PRDM12: variants seen among roughly 807,000 people sequenced by gnomAD.
PRDM12 encodes PR domain zinc finger protein 12.
A neutral mutation model predicts 29.6 loss-of-function variants in PRDM12; 17 were observed. The observed-to-expected ratio is 0.57, with a 90% CI of 0.39 to 0.86. The LOEUF is 0.86. Ranked by LOEUF, PRDM12 falls within the 40% of genes least tolerant of loss-of-function variation. The pLI, the probability that PRDM12 is intolerant of heterozygous loss-of-function variation, is 0.00. For synonymous variants in PRDM12, 231 were observed against 225.8 expected, an observed-to-expected ratio of 1.02 and a Z score of -0.21; for missense variants, 422 against 510.8, an observed-to-expected ratio of 0.83 and a Z score of 1.68.
At chr9:130,666,499 G>T (rs1830734070) in intron 1 of PRDM12, 109 bp from the exon 2 acceptor site, 8 of 1,395,554 alleles carry the variant, frequency 5.7e-6, no homozygotes, top group Non-Finnish European at 7.6e-6. Flanking sequence ...GGGCCGACTT[G>T]GGTTTGGCTG....
At chr9:130,672,080 G>T (rs920297811) in intron 3 of PRDM12, among the ~76,000 whole-genome samples, 2 of 152,296 alleles carry the variant, frequency 1.3e-5, no homozygotes, top group Middle Eastern at 3.4e-3. Context: ...GAACCTCCTG[G>T]CTTACTCCAG....
rs773260931 is a variant in PRDM12 at position 130,669,252 on chromosome 9, G to A, written c.570+939G>A. On this transcript the variant is annotated intron_variant, in intron 3 of 4. Transcript: ENST00000253008. ...TGAGGCAGGAGAATGGCGTGAACCC[G>A]GAAGGCGGAGCTTGCAGTGAGCCGA... is the stretch of plus-strand genomic sequence containing the variant. 4.9e-4 allele frequency among the ~76,000 whole-genome samples: 75 copies of A among 152,160 alleles called. 1 individual carries two copies. The highest frequency in any genetic ancestry group is 3.8e-3 in the Admixed American group (58 of 15,272).
chr9:130,669,522 CAA>C (rs1414521679), intron 3 of PRDM12, among the ~76,000 whole-genome samples: 2 of 133,112 alleles, frequency 1.5e-5, no homozygotes. Flanking sequence ...GACTCCATCT[CAA>C]AAAAAAAAAG....
At position 130,681,201 on chromosome 9, in the gene PRDM12, C is replaced by T. The variant is rs1830896797; in HGVS notation, c.683-47C>T. The T allele has an allele frequency of 7.1e-7, 1 of 1,399,176 alleles. No individual in the cohort carries two copies. The highest frequency in any genetic ancestry group is 2.8e-5 in the East Asian group (1 of 36,112). 86.7% of individuals were successfully genotyped at this position (1,399,176 alleles called of 1,614,324 possible). On this transcript the variant is annotated intron_variant, in intron 4 of 4. Transcript: ENST00000253008. The surrounding 1 kb of genome is among the most constrained non-coding windows in gnomAD (Gnocchi z 8.1). ...GCCGGTTCTAACGGGGCTGCTCTCT[C>T]CCCTTCTCCGTCTCCCTTCCCCCGC...
At chr9:130,679,622 G>A (rs1159735789) in intron 4 of PRDM12, among the ~76,000 whole-genome samples, 6 of 151,562 alleles carry the variant, frequency 4.0e-5, no homozygotes, top group Non-Finnish European at 7.4e-5. Flanking sequence ...CGTAAGCCAC[G>A]GCACCTGGCC....
Position 130,681,676 on chromosome 9 carries a change from C to A in PRDM12, c.*7C>A. 1.0e-6 allele frequency: 1 copy of A among 979,980 alleles called. No homozygotes were observed. The highest frequency in any genetic ancestry group is 4.5e-5 in the South Asian group (1 of 22,044). 60.7% of individuals were successfully genotyped at this position (979,980 alleles called of 1,614,324 possible). A position where few individuals can be genotyped will look rare whatever the true frequency, so the allele number is the denominator to read the frequency against. ...GCCGGCCATGGTGCTGTGAGCGCGC[C>A]CGCGCCCCCGCCGGGCCCCGCGCGC... On this transcript the variant is annotated 3_prime_UTR_variant, in exon 5 of 5. Transcript: ENST00000253008. The surrounding 1 kb of genome is among the most constrained non-coding windows in gnomAD (Gnocchi z 8.1).
intron 3 of PRDM12, among the ~76,000 whole-genome samples, chr9:130,674,635 T>C (rs1336410279): frequency 6.6e-6 from 1 of 151,956 alleles, no homozygotes; most frequent in African/African-American, 2.4e-5. Flanking sequence ...TTTAAAATAG[T>C]CTCGAAATGG....
chr9:130,680,574 C>T (rs1432528060), intron 4 of PRDM12, among the ~76,000 whole-genome samples: 2 of 140,356 alleles, frequency 1.4e-5, no homozygotes, highest in African/African-American at 2.7e-5. Context: ...TGCAGTGAGC[C>T]GAGATCGCGC....
At chr9:130,666,475 C>A (rs1588184079) in intron 1 of PRDM12, 133 bp from the exon 2 acceptor site, 1 of 1,180,970 alleles carries the variant, frequency 8.5e-7, no homozygotes, top group Non-Finnish European at 1.1e-6. Flanking sequence ...ACCCGGGTGG[C>A]TTCTCTGGAT....
rs767733922 is a variant in PRDM12, at chr9:130,678,658, G to A, written c.682+18G>A. ...CAAGCATGGTAGGTGTTCCCCATGG[G>A]GCCGCTGAGACACAGACCCATGGAG... is the stretch of plus-strand genomic sequence containing the variant. On this transcript the variant is annotated intron_variant, in intron 4 of 4. Transcript: ENST00000253008. 6.4e-7 allele frequency: 1 copy of A among 1,572,020 alleles called. No homozygotes were observed. The highest frequency in any genetic ancestry group is 8.7e-7 in the Non-Finnish European group (1 of 1,143,408).
intron 3 of PRDM12, among the ~76,000 whole-genome samples, chr9:130,677,839 G>A (rs1830857243): frequency 1.3e-5 from 2 of 152,222 alleles, no homozygotes; most frequent in African/African-American, 4.8e-5. Flanking sequence ...CTCCCCGAGA[G>A]CATCAGAGCC....
intron 1 of PRDM12, among the ~76,000 whole-genome samples, chr9:130,666,372 C>T (rs773575541): frequency 6.6e-6 from 1 of 152,214 alleles, no homozygotes; most frequent in Non-Finnish European, 1.5e-5. Flanking sequence ...AAAATGATCC[C>T]CAACGCACCA....
At chr9:130,675,667 G>A (rs769748336) in intron 3 of PRDM12, among the ~76,000 whole-genome samples, 6 of 152,218 alleles carry the variant, frequency 3.9e-5, no homozygotes, top group African/African-American at 7.2e-5. Flanking sequence ...ACACCACTCA[G>A]TGAGGCCATG....
chr9:130,677,878 T>C (rs1830857519), intron 3 of PRDM12, among the ~76,000 whole-genome samples: 1 of 152,154 alleles, frequency 6.6e-6, no homozygotes, highest in Non-Finnish European at 1.5e-5. Context: ...TTCTCTGTCA[T>C]TGACCTAGGA....
At chr9:130,669,921 G>A (rs1830773086) in intron 3 of PRDM12, among the ~76,000 whole-genome samples, 1 of 151,850 alleles carries the variant, frequency 6.6e-6, no homozygotes, top group Non-Finnish European at 1.5e-5. Flanking sequence ...GAAGAGGAGG[G>A]TGGGAAGAGG....
At chr9:130,669,826 A>AC (rs1347711502) in intron 3 of PRDM12, among the ~76,000 whole-genome samples, 1 of 151,310 alleles carries the variant, frequency 6.6e-6, no homozygotes, top group East Asian at 1.9e-4. Context: ...AAAAAAAAAA[A>AC]AAAAAAAAAA....
intron 3 of PRDM12, among the ~76,000 whole-genome samples, chr9:130,672,087 C>T (rs1416007306): frequency 2.6e-5 from 4 of 152,138 alleles, no homozygotes; most frequent in Non-Finnish European, 5.9e-5. Context: ...CTGGCTTACT[C>T]CAGTCACAGA....
At chr9:130,676,325 C>A (rs1371921042) in intron 3 of PRDM12, among the ~76,000 whole-genome samples, 1 of 151,936 alleles carries the variant, frequency 6.6e-6, no homozygotes, top group Non-Finnish European at 1.5e-5. Context: ...CCCGTCTCTA[C>A]TAAAAATACA....
intron 3 of PRDM12, among the ~76,000 whole-genome samples, chr9:130,672,577 T>C (rs1028779336): frequency 6.6e-6 from 1 of 152,220 alleles, no homozygotes; most frequent in African/African-American, 2.4e-5. Flanking sequence ...AACTGAAATG[T>C]TACGGAGATT....
Sources: allele counts gnomAD v4.1 joint callset (sites outside exome capture counted in the v4.1 genomes callset), GRCh38; gene constraint gnomAD v4.1.1; non-coding constraint Gnocchi (gnomAD v3.1); transcripts MANE v1.5; gene names NCBI Gene and HGNC (gene_info 2026-07-23, HGNC 2026-07-21).